CIT: variants seen among roughly 807,000 people sequenced by gnomAD.
The protein encoded by CIT is citron rho-interacting serine/threonine kinase, also known as citron Rho-interacting kinase.
CIT carries 79 observed loss-of-function variants against 272.7 expected under a neutral mutation model. The ratio of observed to expected loss-of-function variants is 0.29; its 90% CI spans 0.24 to 0.35. CIT has a LOEUF of 0.35. Among genes scored for constraint, CIT ranks in the 10% least tolerant of loss-of-function variants. The probability of loss-of-function intolerance (pLI) is 1.00; values close to 1 mark genes in which losing one functional copy is unlikely to be tolerated. For missense variants in CIT, 1,909 were observed against 2,618.3 expected, an observed-to-expected ratio of 0.73 and a Z score of 5.91; for synonymous variants, 948 against 995.6, an observed-to-expected ratio of 0.95 and a Z score of 0.90.
chr12:119,750,451 G>A (rs1037138964), intron 23 of CIT, among the ~76,000 whole-genome samples: 12 of 152,158 alleles, frequency 7.9e-5, no homozygotes, highest in African/African-American at 2.7e-4. Flanking sequence ...TATACACAAA[G>A]ACATACTGTG....
intron 10 of CIT, among the ~76,000 whole-genome samples, chr12:119,797,139 G>T (rs1409685277): frequency 6.6e-6 from 1 of 152,184 alleles, no homozygotes; most frequent in East Asian, 1.9e-4. Context: ...AACATGTAGC[G>T]CCATTTAGTC....
chr12:119,779,690 C>T (rs1255885107), intron 13 of CIT, among the ~76,000 whole-genome samples: 1 of 152,140 alleles, frequency 6.6e-6, no homozygotes, highest in Non-Finnish European at 1.5e-5. Context: ...GACAGAGTGT[C>T]TGTTCCTTCC....
intron 9 of CIT, among the ~76,000 whole-genome samples, chr12:119,819,263 G>A (rs1188754936): frequency 6.6e-6 from 1 of 152,180 alleles, no homozygotes; most frequent in Non-Finnish European, 1.5e-5. Context: ...TCATCACAGA[G>A]TGTTCGACTT....
chr12:119,801,491 A>C (rs1218966811), intron 10 of CIT, among the ~76,000 whole-genome samples: 2 of 152,072 alleles, frequency 1.3e-5, no homozygotes, highest in Admixed American at 1.3e-4. Flanking sequence ...CCTGAAATCT[A>C]ACTCCCTCGA....
chr12:119,710,103 G>T lies in CIT; in HGVS notation c.5071+148C>A. Reference sequence around the variant, plus strand: ...GAATCTGGACAGAGGGGGTCCATTAGCTGAGGCTTGGGCATCTATGGGGAC... The same window carrying T: ...GAATCTGGACAGAGGGGGTCCATTATCTGAGGCTTGGGCATCTATGGGGAC... On this transcript the variant is annotated intron_variant, in intron 39 of 47. Transcript: ENST00000392521. The surrounding 1 kb of genome is among the most constrained non-coding windows in gnomAD (Gnocchi z 5.6). 1.2e-6 allele frequency: 1 copy of T among 849,206 alleles called. No homozygotes were observed. The highest frequency in any genetic ancestry group is 2.3e-5 in the Admixed American group (1 of 43,280). The allele number at this position is 849,206 out of a possible 1,614,324, so 52.6% of individuals were successfully genotyped here.
Position 119,688,383 on chromosome 12 carries a change from G to A in CIT, c.6187-128C>T, listed in dbSNP as rs182462782. The A allele has an allele frequency of 2.8e-4, 256 of 906,502 alleles. 1 individual carries two copies. In the East Asian group the frequency reaches 5.9e-3, roughly 21 times the overall value. 56.2% of individuals were successfully genotyped at this position (906,502 alleles called of 1,614,324 possible). Reference sequence around the variant, plus strand: ...TTCAGCAGCTAGCAGTGAGTGCTTGGCAGGGCAGCACCCGCTCCAGAGCCT... The same window carrying A: ...TTCAGCAGCTAGCAGTGAGTGCTTGACAGGGCAGCACCCGCTCCAGAGCCT... On this transcript the variant is annotated intron_variant, in intron 47 of 47. Coordinates refer to ENST00000392521, the MANE Select transcript of CIT (RefSeq NM_001206999.2).
chr12:119,754,276 C>T (rs1447262821), intron 22 of CIT, among the ~76,000 whole-genome samples: 1 of 152,118 alleles, frequency 6.6e-6, no homozygotes, highest in Non-Finnish European at 1.5e-5. Flanking sequence ...GCATTCAAAC[C>T]CAGAAAGTCT....
intron 10 of CIT, among the ~76,000 whole-genome samples, chr12:119,791,200 G>A (rs558798754): frequency 6.6e-6 from 1 of 152,258 alleles, no homozygotes; most frequent in African/African-American, 2.4e-5. Flanking sequence ...TTAGCTAGAT[G>A]GCCTTGGACA....
chr12:119,805,323 A>T (rs762036485), intron 9 of CIT, among the ~76,000 whole-genome samples: 1 of 152,262 alleles, frequency 6.6e-6, no homozygotes, highest in Non-Finnish European at 1.5e-5. Context: ...CTCAGTTTTC[A>T]ACATGGCAAT....
In CIT at chr12:119,688,338, G is replaced by A. The variant is rs1955697118; in HGVS notation, c.6187-83C>T. 8.1e-6 allele frequency: 11 copies of A among 1,356,462 alleles called. No individual in the cohort carries two copies. In the South Asian group the frequency reaches 1.2e-4, roughly 14 times the overall value. 84.0% of individuals were successfully genotyped at this position (1,356,462 alleles called of 1,614,324 possible). On this transcript the variant is annotated intron_variant, in intron 47 of 47. Transcript: ENST00000392521. ...CCTTGCATGATGCAAATGGGAATCT[G>A]CAGCCCCTGGGCTATCCCCTTCAGC...
At chr12:119,696,322 C>T (rs1360984077) in intron 46 of CIT, among the ~76,000 whole-genome samples, 1 of 152,164 alleles carries the variant, frequency 6.6e-6, no homozygotes, top group Non-Finnish European at 1.5e-5. Flanking sequence ...ATCCCAGGAA[C>T]TTGCTGGAAA....
intron 26 of CIT, among the ~76,000 whole-genome samples, chr12:119,731,813 A>AATATATATAT (rs57327382): frequency 2.2e-4 from 30 of 139,146 alleles, no homozygotes; most frequent in African/African-American, 8.0e-4. Flanking sequence ...TTCTCTCCTA[A>AATATATATAT]ATATATATAT....
Position 119,770,400 on chromosome 12 carries a change from T to C in CIT, c.2208+385A>G, listed in dbSNP as rs1962964471. Among the ~76,000 whole-genome samples, 1 of 152,196 alleles carries C rather than the reference T, an allele frequency of 6.6e-6. No individual in the cohort carries two copies. The highest frequency in any genetic ancestry group is 1.5e-5 in the Non-Finnish European group (1 of 68,042). On this transcript the variant is annotated intron_variant, in intron 18 of 47. Transcript: ENST00000392521. This position sits in a 1 kb window ranked among gnomAD's most constrained non-coding sequence, Gnocchi z 4.4. Reference sequence around the variant, plus strand: ...AAAAGCAAGAATCTGAATTTCGGTCTTAAAGGTCTAAACCCCTACAGCTTT... The same window carrying C: ...AAAAGCAAGAATCTGAATTTCGGTCCTAAAGGTCTAAACCCCTACAGCTTT...
intron 10 of CIT, among the ~76,000 whole-genome samples, chr12:119,802,960 A>T (rs2137875490): frequency 6.6e-6 from 1 of 152,266 alleles, no homozygotes; most frequent in East Asian, 1.9e-4. Flanking sequence ...AAACTAACCC[A>T]AAGTACCCAA....
chr12:119,825,113 T>A, intron 8 of CIT, 52 bp downstream of exon 8: 1 of 1,547,158 alleles, frequency 6.5e-7, no homozygotes, highest in Non-Finnish European at 8.9e-7. Flanking sequence ...TTCGCACAAT[T>A]TTTAAATAAC....
At chr12:119,714,938 C>T (rs278121) in intron 32 of CIT, among the ~76,000 whole-genome samples, 44,970 of 152,076 alleles carry the variant, frequency 0.3, 6,979 homozygotes, top group African/African-American at 0.37. Flanking sequence ...CAAATGTCCA[C>T]CAATGGTGAT....
intron 10 of CIT, among the ~76,000 whole-genome samples, chr12:119,797,146 A>G (rs936902248): frequency 7.2e-5 from 11 of 152,258 alleles, no homozygotes; most frequent in Non-Finnish European, 1.5e-4. Flanking sequence ...AGCGCCATTT[A>G]GTCAATGACT....
chr12:119,743,198 A>G (rs1959145856), intron 23 of CIT, among the ~76,000 whole-genome samples: 1 of 152,116 alleles, frequency 6.6e-6, no homozygotes, highest in African/African-American at 2.4e-5. Flanking sequence ...GATTGGGACA[A>G]ATGTTATAAA....
rs1358176330 is a variant in CIT, at chr12:119,718,863, T to C, written c.3841-2A>G. The stretch of plus-strand genomic sequence containing the variant: ...CTCTTTCCGTCGACTAAATAAACCC[T>C]AGCAATGGAAACAGAGATATCTCCT... On this transcript the variant is annotated splice_acceptor_variant, in intron 30 of 47. Coordinates refer to ENST00000392521, the MANE Select transcript of CIT (RefSeq NM_001206999.2). LOFTEE classifies it high-confidence loss of function. The surrounding 1 kb of genome is among the most constrained non-coding windows in gnomAD (Gnocchi z 4.8). The C allele has an allele frequency of 6.2e-7, 1 of 1,613,816 alleles. No individual in the cohort carries two copies. The highest frequency in any genetic ancestry group is 8.5e-7 in the Non-Finnish European group (1 of 1,179,858).
Sources: gnomAD v4.1 joint callset for allele counts (sites outside exome capture counted in the v4.1 genomes callset) on GRCh38, gnomAD v4.1.1 for gene constraint, Gnocchi (gnomAD v3.1) non-coding constraint, MANE v1.5 for transcripts, NCBI Gene and HGNC (gene_info 2026-07-23, HGNC 2026-07-21) for gene names.